The following TOPBP1 variants were observed in gnomAD, a reference collection of about 807,000 sequenced individuals.
The protein encoded by TOPBP1 is DNA topoisomerase II binding protein 1.
A neutral mutation model predicts 167.7 loss-of-function variants in TOPBP1; 28 were observed. That is an observed-to-expected ratio of 0.17 (90% CI 0.12 to 0.23). The LOEUF (loss-of-function observed/expected upper bound fraction) is 0.23, where lower values mean the gene tolerates loss of function less well. TOPBP1 is among the 10% of genes least tolerant of loss of function. The pLI is 1.00. For synonymous variants in TOPBP1, 598 were observed against 611.4 expected (o/e 0.98, Z 0.32); for missense variants, 1,554 against 1,809.6 (o/e 0.86, Z 2.56).
At chr3:133,628,306 G>C (rs759689109) in intron 16 of TOPBP1, 56 bp downstream of exon 16, 32 of 1,455,398 alleles carry the variant, frequency 2.2e-5, no homozygotes, top group Non-Finnish European at 2.8e-5. Flanking sequence ...AATAGCTTTA[G>C]GTTTCCTTAT....
chr3:133,644,173 A>G lies in TOPBP1; in HGVS notation c.1695T>C (p.Asn565=). The G allele has an allele frequency of 6.2e-7, 1 of 1,613,918 alleles. No homozygotes were observed. Among genetic ancestry groups the G allele is most frequent in the Non-Finnish European group, 8.5e-7 (1 of 1,179,864 alleles). ...QKSFLVLGFS[N]ENESNIANII... is the part of the protein sequence containing the mutation. Reference sequence around the variant, plus strand: ...TGTTTGCGATGTTAGATTCATTTTCATTACTAAAACCCAAAACAAGGAAAC... The same window carrying G: ...TGTTTGCGATGTTAGATTCATTTTCGTTACTAAAACCCAAAACAAGGAAAC... Residue 565 remains asparagine (N), a synonymous_variant, in exon 11 of 28, where the codon AAT becomes AAC. Coordinates refer to ENST00000260810, the MANE Select transcript of TOPBP1 (RefSeq NM_007027.4).
chr3:133,655,722 T>C (rs1303185562), intron 5 of TOPBP1, among the ~76,000 whole-genome samples: 3 of 152,306 alleles, frequency 2.0e-5, no homozygotes, highest in African/African-American at 7.2e-5. Context: ...GGGAAAAATA[T>C]ATATTTCCTT....
At chr3:133,612,120 C>T (rs191166483) in intron 24 of TOPBP1, among the ~76,000 whole-genome samples, 1 of 151,932 alleles carries the variant, frequency 6.6e-6, no homozygotes, top group Admixed American at 6.6e-5. Flanking sequence ...CGGCTCACTG[C>T]AACCTCTGCC....
In TOPBP1 at chr3:133,600,998, T is replaced by C. The variant is rs1314888108; in HGVS notation, c.*252A>G. On this transcript the variant is annotated 3_prime_UTR_variant, in exon 28 of 28. Transcript: ENST00000260810. ...ATAAATATCTTTTAACAGACTTCAA[T>C]GTGGTTTAACAGCAAGCTAGCTGAG... is the stretch of plus-strand genomic sequence containing the variant. 7.6e-6 allele frequency: 2 copies of C among 263,620 alleles called. No homozygotes were observed. Among genetic ancestry groups the C allele is most frequent in the Non-Finnish European group, 1.4e-5 (2 of 139,734 alleles). The allele number at this position is 263,620 out of a possible 1,614,324, so 16.3% of individuals were successfully genotyped here.
intron 19 of TOPBP1, among the ~76,000 whole-genome samples, chr3:133,622,268 G>A (rs920436287): frequency 5.2e-5 from 7 of 133,988 alleles, no homozygotes; most frequent in South Asian, 2.4e-4. Flanking sequence ...TCGGCTCACC[G>A]CAACCTCCGC....
At chr3:133,637,655 G>A (rs997992550) in intron 14 of TOPBP1, among the ~76,000 whole-genome samples, 1 of 152,182 alleles carries the variant, frequency 6.6e-6, no homozygotes, top group Admixed American at 6.5e-5. Flanking sequence ...TCCAGTACTT[G>A]AACCCAGATG....
chr3:133,616,487 A>G (rs1275065362), intron 23 of TOPBP1, among the ~76,000 whole-genome samples: 2 of 152,210 alleles, frequency 1.3e-5, no homozygotes, highest in African/African-American at 2.4e-5. Flanking sequence ...TCTAGATATT[A>G]TTAACCTTTC....
At chr3:133,636,304 C>T (rs1166372073) in intron 14 of TOPBP1, among the ~76,000 whole-genome samples, 4 of 151,838 alleles carry the variant, frequency 2.6e-5, no homozygotes, top group Non-Finnish European at 5.9e-5. Context: ...AAGGGTGAGG[C>T]CTAATAGATG....
chr3:133,643,401 C>T (rs777286977), intron 11 of TOPBP1, 29 bp from the exon 12 acceptor site: 1 of 1,532,990 alleles, frequency 6.5e-7, no homozygotes. Context: ...ATAGTAAAGC[C>T]AACCTGAAAT....
chr3:133,614,834 G>T lies in TOPBP1; in HGVS notation c.3871+1980C>A, dbSNP rs1256812563. Among the ~76,000 whole-genome samples the T allele has an allele frequency of 3.7e-5, 5 of 134,654 alleles. No individual in the cohort carries two copies. In the East Asian group the frequency reaches 1.3e-3, roughly 36 times the overall value. The allele number at this position is 134,654 out of a possible 152,430, so 88.3% of individuals were successfully genotyped here. A position where few individuals can be genotyped will look rare whatever the true frequency, so the allele number is the denominator to read the frequency against. The stretch of plus-strand genomic sequence containing the variant: ...CCACACCGGGGCCTGTCCTGGGGTG[G>T]GGGGAGGGGGGAGGGATAGCATTAG... On this transcript the variant is annotated intron_variant, in intron 23 of 27. Coordinates refer to ENST00000260810, the MANE Select transcript of TOPBP1 (RefSeq NM_007027.4).
In TOPBP1 at chr3:133,605,059, A is replaced by G. The variant is rs1210932149; in HGVS notation, c.4425+3476T>C. On this transcript the variant is annotated intron_variant, in intron 27 of 27. Transcript: ENST00000260810. ...ACCAAAAATACAAAAATTAGCTAAG[A>G]CTGGTGGCGTGCGCTTGTAGTCCCA... Among the ~76,000 whole-genome samples, 8 of 151,686 alleles carry G rather than the reference A, an allele frequency of 5.3e-5. 1 individual carries two copies. In the South Asian group the frequency reaches 1.7e-3, roughly 32 times the overall value.
intron 23 of TOPBP1, among the ~76,000 whole-genome samples, chr3:133,616,140 GAC>G (rs1403774070): frequency 8.1e-6 from 1 of 123,892 alleles, no homozygotes; most frequent in African/African-American, 2.8e-5. Flanking sequence ...TTTTTTTTGA[GAC>G]AGAGTCTTGC....
intron 10 of TOPBP1, among the ~76,000 whole-genome samples, chr3:133,644,890 C>G (rs532493062): frequency 4.9e-4 from 75 of 152,328 alleles, no homozygotes; most frequent in African/African-American, 1.8e-3. Context: ...CCAAGAATCA[C>G]TCTTTCATTT....
rs1936735173 is a variant in TOPBP1, at chr3:133,661,873, A to C, written c.-112T>G. The C allele has an allele frequency of 6.6e-6, 1 of 151,956 alleles. No homozygotes were observed. Among genetic ancestry groups the C allele is most frequent in the Non-Finnish European group, 1.5e-5 (1 of 68,002 alleles). The allele number at this position is 151,956 out of a possible 1,614,324, so 9.4% of individuals were successfully genotyped here. A position where few individuals can be genotyped will look rare whatever the true frequency, so the allele number is the denominator to read the frequency against. The stretch of plus-strand genomic sequence containing the variant: ...GCCCGGCGCACAGCCCCCTCCCCCG[A>C]CTCGGCGCCGCCCCTACCCCAAAGC... On this transcript the variant is annotated 5_prime_UTR_variant, in exon 1 of 28. Coordinates refer to ENST00000260810, the MANE Select transcript of TOPBP1 (RefSeq NM_007027.4).
At chr3:133,612,077 T>C (rs1934700575) in intron 24 of TOPBP1, among the ~76,000 whole-genome samples, 1 of 151,428 alleles carries the variant, frequency 6.6e-6, no homozygotes, top group African/African-American at 2.4e-5. Flanking sequence ...GTCTCACTCT[T>C]GTGGCCCAGG....
intron 4 of TOPBP1, among the ~76,000 whole-genome samples, chr3:133,657,327 G>GT (rs2107836252): frequency 6.6e-6 from 1 of 150,474 alleles, no homozygotes; most frequent in South Asian, 2.1e-4. Flanking sequence ...GTGGGTGACA[G>GT]TAAGACCCTG....
chr3:133,653,536 A>G lies in TOPBP1; in HGVS notation c.743-12T>C, dbSNP rs368858738. 4.6e-6 allele frequency: 7 copies of G among 1,521,582 alleles called. No homozygotes were observed. Among genetic ancestry groups the G allele is most frequent in the African/African-American group, 2.9e-5 (2 of 70,144 alleles). The allele number at this position is 1,521,582 out of a possible 1,614,324, so 94.3% of individuals were successfully genotyped here. The stretch of plus-strand genomic sequence containing the variant: ...CTCATACTTCTGACCTGTGGCGTTC[A>G]TTAAGAAAGAAATAGAGAAAATAGG... On this transcript the variant is annotated splice_polypyrimidine_tract_variant and intron_variant, in intron 6 of 27. Transcript: ENST00000260810.
chr3:133,655,246 T>C (rs372883686), intron 6 of TOPBP1, 44 bp downstream of exon 6: 4 of 1,184,114 alleles, frequency 3.4e-6, no homozygotes, highest in Middle Eastern at 2.1e-4. Context: ...TATTAAATAC[T>C]AGAGAAAATG....
intron 14 of TOPBP1, among the ~76,000 whole-genome samples, chr3:133,633,914 C>T (rs1389732338): frequency 6.6e-6 from 1 of 152,212 alleles, no homozygotes. Context: ...TTATCTCCAG[C>T]CCAAACCATT....
Sources: gnomAD v4.1 joint callset for allele counts (sites outside exome capture counted in the v4.1 genomes callset) on GRCh38, gnomAD v4.1.1 for gene constraint, MANE v1.5 for transcripts, NCBI Gene and HGNC (gene_info 2026-07-23, HGNC 2026-07-21) for gene names.